Variants in SNCAIP observed in about 807,000 individuals in gnomAD.
SNCAIP encodes the protein synuclein alpha interacting protein, also known as synphilin-1.
SNCAIP carries 43 observed loss-of-function variants against 86.7 expected under a neutral mutation model. The ratio of observed to expected loss-of-function variants is 0.50; its 90% CI spans 0.39 to 0.64. The LOEUF (loss-of-function observed/expected upper bound fraction) is 0.64. Among genes scored for constraint, SNCAIP ranks in the 30% least tolerant of loss-of-function variants. The pLI is 0.00. For synonymous variants in SNCAIP, 417 were observed against 427.2 expected, an observed-to-expected ratio of 0.98 and a Z score of 0.29; for missense variants, 981 against 1,103.1, an observed-to-expected ratio of 0.89 and a Z score of 1.57.
At chr5:122,322,329 G>C (rs1482005036) in intron 1 of SNCAIP, among the ~76,000 whole-genome samples, 6 of 152,174 alleles carry the variant, frequency 3.9e-5, no homozygotes, top group Non-Finnish European at 7.4e-5. Context: ...CAACCTAAAA[G>C]ATTGGTACTT....
intron 10 of SNCAIP, 100 bp from the exon 11 acceptor site, chr5:122,463,391 G>A (rs1029106221): frequency 2.6e-6 from 2 of 761,594 alleles, no homozygotes; most frequent in East Asian, 4.9e-5. Flanking sequence ...TGGTTTGTGT[G>A]AGGATAATTT....
At chr5:122,368,056 G>T (rs942401896) in intron 1 of SNCAIP, among the ~76,000 whole-genome samples, 1 of 152,084 alleles carries the variant, frequency 6.6e-6, no homozygotes, top group Non-Finnish European at 1.5e-5. Flanking sequence ...TGGAGTCGTA[G>T]GGCCATCTCT....
At chr5:122,457,191 C>T (rs1374747246) in intron 10 of SNCAIP, among the ~76,000 whole-genome samples, 2 of 151,878 alleles carry the variant, frequency 1.3e-5, no homozygotes. Context: ...TTAGTAGAGA[C>T]GAGGTTTCAC....
intron 1 of SNCAIP, among the ~76,000 whole-genome samples, chr5:122,332,250 C>G (rs976968613): frequency 6.6e-6 from 1 of 152,208 alleles, no homozygotes; most frequent in Non-Finnish European, 1.5e-5. Context: ...CGTTTTCCCA[C>G]TTAACAGTCG....
chr5:122,338,947 A>T (rs1350461722), intron 1 of SNCAIP, among the ~76,000 whole-genome samples: 1 of 152,126 alleles, frequency 6.6e-6, no homozygotes, highest in Non-Finnish European at 1.5e-5. Flanking sequence ...CTCCTAGTAG[A>T]TTAATAATGG....
At chr5:122,406,735 A>C (rs535993324) in intron 3 of SNCAIP, among the ~76,000 whole-genome samples, 7 of 152,214 alleles carry the variant, frequency 4.6e-5, no homozygotes, top group Non-Finnish European at 1.0e-4. Context: ...AAGCTTCCTG[A>C]GGCTGTCGCA....
chr5:122,463,022 T>C (rs1047706176), intron 10 of SNCAIP, among the ~76,000 whole-genome samples: 24 of 152,246 alleles, frequency 1.6e-4, no homozygotes, highest in Admixed American at 1.4e-3. Context: ...ACTTATGATC[T>C]TTCAACATGC....
At position 122,357,650 on chromosome 5, in the gene SNCAIP, C is replaced by T. The variant is rs1459084709; in HGVS notation, c.-46-33439C>T. Among the ~76,000 whole-genome samples, 17 of 149,720 alleles carry T rather than the reference C, an allele frequency of 1.1e-4. No homozygotes were observed. The East Asian group carries it at 2.9e-3, about 26-fold the overall frequency. ...TTTTTTTTCTTTATTGTACCTTTCTCGTCCTGAAAGGATTTTTTGTACTTA... is the reference window on the plus strand; with the variant it reads ...TTTTTTTTCTTTATTGTACCTTTCTTGTCCTGAAAGGATTTTTTGTACTTA... On this transcript the variant is annotated intron_variant, in intron 1 of 10. Transcript: ENST00000261368.
chr5:122,325,371 CCT>C (rs954062642), intron 1 of SNCAIP, among the ~76,000 whole-genome samples: 43 of 152,152 alleles, frequency 2.8e-4, no homozygotes, highest in African/African-American at 1.0e-3. Flanking sequence ...TACCAGATCA[CCT>C]CTCCCTACTA....
intron 1 of SNCAIP, among the ~76,000 whole-genome samples, chr5:122,319,114 A>G (rs1752421621): frequency 6.6e-6 from 1 of 151,532 alleles, no homozygotes; most frequent in Admixed American, 6.6e-5. Flanking sequence ...TAAAGCTTTG[A>G]TTGGGCTCTT....
chr5:122,452,943 A>C, intron 10 of SNCAIP: 3 of 1,548,728 alleles, frequency 1.9e-6, no homozygotes, highest in Non-Finnish European at 2.6e-6. Flanking sequence ...CAGCAGCTGC[A>C]TCAATCTTTC....
chr5:122,429,195 A>G (rs1419139516), intron 5 of SNCAIP, among the ~76,000 whole-genome samples: 2 of 151,936 alleles, frequency 1.3e-5, no homozygotes, highest in African/African-American at 4.8e-5. Flanking sequence ...TTGTAGCTGT[A>G]AATGCCTCTA....
At chr5:122,367,589 G>T (rs1440740484) in intron 1 of SNCAIP, among the ~76,000 whole-genome samples, 1 of 152,086 alleles carries the variant, frequency 6.6e-6, no homozygotes, top group Admixed American at 6.5e-5. Flanking sequence ...GCTCAGGGCT[G>T]GAGTCAGGCC....
At chr5:122,409,009 T>C (rs914379277) in intron 3 of SNCAIP, among the ~76,000 whole-genome samples, 1 of 152,120 alleles carries the variant, frequency 6.6e-6, no homozygotes, top group Non-Finnish European at 1.5e-5. Context: ...GCTGACTCAA[T>C]TGAGGAATAA....
chr5:122,394,000 A>G (rs1770036658), intron 2 of SNCAIP, among the ~76,000 whole-genome samples: 1 of 152,190 alleles, frequency 6.6e-6, no homozygotes, highest in Non-Finnish European at 1.5e-5. Flanking sequence ...GATTATTCAA[A>G]TGCTAAAAAT....
At chr5:122,356,095 CTTT>C (rs757246404) in intron 1 of SNCAIP, among the ~76,000 whole-genome samples, 46 of 102,762 alleles carry the variant, frequency 4.5e-4, no homozygotes, top group South Asian at 3.4e-4. Flanking sequence ...GTTAGCCTTT[CTTT>C]TTTTTTTTTT....
At chr5:122,406,087 A>C (rs2152881743) in intron 3 of SNCAIP, among the ~76,000 whole-genome samples, 1 of 152,268 alleles carries the variant, frequency 6.6e-6, no homozygotes, top group African/African-American at 2.4e-5. Flanking sequence ...ATAGATTGAG[A>C]GTGATCCTAG....
chr5:122,386,732 T>G (rs947150518), intron 1 of SNCAIP, among the ~76,000 whole-genome samples: 6 of 152,004 alleles, frequency 3.9e-5, no homozygotes, highest in Non-Finnish European at 5.9e-5. Context: ...TCAGTTTTCC[T>G]ACCCAAATTG....
chr5:122,414,289 G>A (rs1329971407), intron 3 of SNCAIP, among the ~76,000 whole-genome samples: 1 of 149,546 alleles, frequency 6.7e-6, no homozygotes, highest in Admixed American at 6.7e-5. Flanking sequence ...GGAGTGCAAT[G>A]GCACAATCTC....
Sources: gnomAD v4.1 joint callset for allele counts (sites outside exome capture counted in the v4.1 genomes callset) on GRCh38, gnomAD v4.1.1 for gene constraint, MANE v1.5 for transcripts, NCBI Gene and HGNC (gene_info 2026-07-23, HGNC 2026-07-21) for gene names.